Variants in SLC25A13 observed in about 807,000 individuals in gnomAD.
SLC25A13 encodes the protein solute carrier family 25 member 13.
SLC25A13 carries 70 observed loss-of-function variants against 85.5 expected under a neutral mutation model. That is an observed-to-expected ratio of 0.82 (90% CI 0.68 to 1.00). SLC25A13 has a LOEUF of 1.00. SLC25A13 is among the 50% of genes least tolerant of loss of function. The pLI is 0.00. For missense variants in SLC25A13, 765 were observed against 819.8 expected (o/e 0.93, Z 0.82); for synonymous variants, 259 against 288.7 (o/e 0.90, Z 1.04).
intron 3 of SLC25A13, among the ~76,000 whole-genome samples, chr7:96,236,923 A>G (rs745968327): frequency 7.2e-5 from 11 of 152,202 alleles, no homozygotes; most frequent in Non-Finnish European, 1.3e-4. Flanking sequence ...GGCAGAATAG[A>G]CTTCTTCTCC....
chr7:96,277,172 T>G (rs1562897177), intron 3 of SLC25A13, 24 bp downstream of exon 3: 1 of 1,532,616 alleles, frequency 6.5e-7, no homozygotes, highest in Admixed American at 2.0e-5. Flanking sequence ...AAGAATTAAA[T>G]AAAATAATTA....
chr7:96,127,798 A>G (rs1791790919), intron 15 of SLC25A13, among the ~76,000 whole-genome samples: 1 of 152,220 alleles, frequency 6.6e-6, no homozygotes, highest in Non-Finnish European at 1.5e-5. Context: ...CTGAAACTCC[A>G]TCTAAAAAGG....
chr7:96,165,652 T>TA (rs1793710767), intron 13 of SLC25A13, among the ~76,000 whole-genome samples: 2 of 152,144 alleles, frequency 1.3e-5, no homozygotes, highest in African/African-American at 2.4e-5. Flanking sequence ...AAACAAACAT[T>TA]TATACTGCTT....
At chr7:96,316,835 T>G (rs1001657711) in intron 1 of SLC25A13, among the ~76,000 whole-genome samples, 1 of 152,098 alleles carries the variant, frequency 6.6e-6, no homozygotes, top group African/African-American at 2.4e-5. Flanking sequence ...CCCACACCTC[T>G]CCCATATACT....
intron 9 of SLC25A13, among the ~76,000 whole-genome samples, chr7:96,186,276 A>G (rs973576326): frequency 1.3e-5 from 2 of 152,118 alleles, no homozygotes; most frequent in African/African-American, 4.8e-5. Flanking sequence ...CTAAAAATAA[A>G]AAATTAGCCG....
At chr7:96,224,076 G>A (rs1025121078) in intron 4 of SLC25A13, among the ~76,000 whole-genome samples, 1 of 152,192 alleles carries the variant, frequency 6.6e-6, no homozygotes, top group Non-Finnish European at 1.5e-5. Flanking sequence ...ACAGGAAAGT[G>A]TCTGAGAAAC....
intron 11 of SLC25A13, among the ~76,000 whole-genome samples, chr7:96,176,779 G>A (rs1480079107): frequency 6.6e-6 from 1 of 152,168 alleles, no homozygotes; most frequent in African/African-American, 2.4e-5. Flanking sequence ...GGTTGGAAGG[G>A]ATTATGAAAG....
chr7:96,236,375 G>A (rs1029821437), intron 3 of SLC25A13, among the ~76,000 whole-genome samples: 2 of 151,940 alleles, frequency 1.3e-5, no homozygotes, highest in African/African-American at 4.8e-5. Context: ...TGAACTCCAG[G>A]AGCTTACCAC....
chr7:96,184,200 C>A, intron 11 of SLC25A13, 77 bp downstream of exon 11: 1 of 1,536,310 alleles, frequency 6.5e-7, no homozygotes, highest in Non-Finnish European at 9.0e-7. Flanking sequence ...CTTGCTAATT[C>A]ATGTCAGGCA....
chr7:96,182,379 TCA>T (rs148991741), intron 11 of SLC25A13, among the ~76,000 whole-genome samples: 2,491 of 152,334 alleles, frequency 0.016, 59 homozygotes, highest in African/African-American at 0.057. Context: ...AATCTTATAT[TCA>T]CACTCTACTC....
At chr7:96,251,489 C>A (rs1487764979) in intron 3 of SLC25A13, among the ~76,000 whole-genome samples, 2 of 152,168 alleles carry the variant, frequency 1.3e-5, no homozygotes, top group Non-Finnish European at 2.9e-5. Context: ...GAGAGATGGT[C>A]ATGCCTGCGT....
chr7:96,203,780 A>T (rs1458070121), intron 5 of SLC25A13, among the ~76,000 whole-genome samples: 1 of 152,206 alleles, frequency 6.6e-6, no homozygotes, highest in African/African-American at 2.4e-5. Context: ...AAAACCTGGA[A>T]ATGACAGTAC....
At chr7:96,215,737 A>G (rs1795873945) in intron 4 of SLC25A13, among the ~76,000 whole-genome samples, 2 of 152,172 alleles carry the variant, frequency 1.3e-5, no homozygotes, top group Admixed American at 6.5e-5. Context: ...AAATATAGAC[A>G]TAATTTTTGT....
intron 3 of SLC25A13, among the ~76,000 whole-genome samples, chr7:96,271,568 C>T (rs189751988): frequency 4.6e-5 from 7 of 152,274 alleles, no homozygotes; most frequent in Admixed American, 2.6e-4. Flanking sequence ...GAATTTAAAA[C>T]CTGACAGGCC....
At chr7:96,314,144 G>A (rs1305344763) in intron 1 of SLC25A13, among the ~76,000 whole-genome samples, 1 of 151,988 alleles carries the variant, frequency 6.6e-6, no homozygotes, top group Non-Finnish European at 1.5e-5. Flanking sequence ...GAGGAGAAAG[G>A]ATGAAGGACG....
intron 13 of SLC25A13, 66 bp downstream of exon 13, chr7:96,169,979 G>T: frequency 1.4e-6 from 2 of 1,479,304 alleles, no homozygotes; most frequent in South Asian, 2.3e-5. Flanking sequence ...CACACCTGTT[G>T]ACCATGGTAG....
chr7:96,138,535 A>G (rs1225259983), intron 14 of SLC25A13, among the ~76,000 whole-genome samples: 3 of 151,652 alleles, frequency 2.0e-5, no homozygotes, highest in Admixed American at 6.6e-5. Context: ...AGCTGGGACT[A>G]CAGGTGCATG....
intron 2 of SLC25A13, among the ~76,000 whole-genome samples, chr7:96,289,750 C>T (rs1320731298): frequency 2.0e-5 from 3 of 152,196 alleles, no homozygotes; most frequent in Non-Finnish European, 4.4e-5. Context: ...CCAAGAAATA[C>T]GGGACTATGT....
At position 96,185,134 on chromosome 7, in the gene SLC25A13, A is replaced by G. The variant is rs76207765; in HGVS notation, c.934-123T>C. ...TGGGTTCTAAATCCATGATACAACT[A>G]AAATGTCAAGGAAAAAAGTAGGAAT... On this transcript the variant is annotated intron_variant, in intron 9 of 17. Transcript: ENST00000265631. The G allele has an allele frequency of 3.3e-3, 2,079 of 632,400 alleles. 25 individuals carry two copies. The highest frequency in any genetic ancestry group is 0.032 in the African/African-American group (1,770 of 55,088). The allele number at this position is 632,400 out of a possible 1,614,324, so 39.2% of individuals were successfully genotyped here. A position where few individuals can be genotyped will look rare whatever the true frequency, so the allele number is the denominator to read the frequency against.
Sources: gnomAD v4.1 joint callset for allele counts (sites outside exome capture counted in the v4.1 genomes callset) on GRCh38, gnomAD v4.1.1 for gene constraint, MANE v1.5 for transcripts, NCBI Gene and HGNC (gene_info 2026-07-23, HGNC 2026-07-21) for gene names.